The following MILR1 variants were observed in gnomAD, a reference collection of about 807,000 sequenced individuals.
MILR1 encodes mast cell immunoglobulin like receptor 1, also known as allergin-1.
A neutral mutation model predicts 18.5 loss-of-function variants in MILR1; 31 were observed. The ratio of observed to expected loss-of-function variants is 1.68; its 90% CI spans 1.26 to 2.26. MILR1 has a LOEUF of 2.26. Ranked by LOEUF, MILR1 falls within the 30% of genes most tolerant of loss-of-function variation. MILR1 has a pLI of 0.00. For synonymous variants in MILR1, 85 were observed against 56.2 expected, an observed-to-expected ratio of 1.51 and a Z score of -2.30; for missense variants, 257 against 157.4, an observed-to-expected ratio of 1.63 and a Z score of -3.38.
chr17:64,461,433 G>C (rs979225749), intron 5 of MILR1, among the ~76,000 whole-genome samples: 2 of 151,894 alleles, frequency 1.3e-5, no homozygotes, highest in African/African-American at 4.8e-5. Context: ...ATTTTTAGTA[G>C]AGACAGGGTT....
chr17:64,494,912 G>A, the MILR1 span, among the ~76,000 whole-genome samples: 4 of 152,052 alleles, frequency 2.6e-5, no homozygotes, highest in Admixed American at 1.3e-4. Context: ...AGTGGCTCAC[G>A]CCTGTAATCC....
intron 3 of MILR1, among the ~76,000 whole-genome samples, chr17:64,456,540 G>A (rs2037304589): frequency 6.6e-6 from 1 of 152,144 alleles, no homozygotes; most frequent in Non-Finnish European, 1.5e-5. Flanking sequence ...GCTGGGCATG[G>A]TGGCTCACAC....
the MILR1 span, chr17:64,492,576 A>C: frequency 2.4e-5 from 18 of 745,538 alleles, no homozygotes; most frequent in Middle Eastern, 3.5e-4. Flanking sequence ...CATACATCAA[A>C]TATAATTTCT....
the MILR1 span, chr17:64,490,519 G>A: frequency 4.7e-6 from 2 of 429,946 alleles, no homozygotes; most frequent in East Asian, 5.1e-5. Context: ...GGAGTGTAAA[G>A]GCATATGACA....
chr17:64,468,252 C>T (rs2037624204), intron 9 of MILR1, 58 bp from the exon 10 acceptor site: 1 of 455,594 alleles, frequency 2.2e-6, no homozygotes, highest in African/African-American at 2.0e-5. Context: ...TCAACTTCTG[C>T]CTCTGTCTTC....
the MILR1 span, chr17:64,477,669 G>A: frequency 5.6e-6 from 5 of 891,262 alleles, no homozygotes; most frequent in Non-Finnish European, 7.9e-6. Flanking sequence ...ACATATTCCT[G>A]ATACAATGAA....
the MILR1 span, among the ~76,000 whole-genome samples, chr17:64,493,548 G>A: frequency 5.8e-4 from 89 of 152,152 alleles, no homozygotes; most frequent in Non-Finnish European, 5.9e-5. Flanking sequence ...GCAGTGGCAG[G>A]GTCTCGGCTC....
chr17:64,484,481 T>C, the MILR1 span, among the ~76,000 whole-genome samples: 1 of 152,080 alleles, frequency 6.6e-6, no homozygotes, highest in Non-Finnish European at 1.5e-5. Flanking sequence ...CTGAGTGAGA[T>C]GAGAAGCTTT....
chr17:64,464,475 A>G (rs1177802920), intron 5 of MILR1, among the ~76,000 whole-genome samples: 3 of 151,914 alleles, frequency 2.0e-5, no homozygotes, highest in African/African-American at 7.3e-5. Flanking sequence ...CCTGGCTTCA[A>G]GTGATCCTCC....
chr17:64,492,586 T>C, the MILR1 span: 4 of 774,628 alleles, frequency 5.2e-6, no homozygotes, highest in South Asian at 5.9e-5. Context: ...ATATAATTTC[T>C]TGTATGTCAG....
chr17:64,497,108 C>G, the MILR1 span: 4 of 854,544 alleles, frequency 4.7e-6, no homozygotes, highest in African/African-American at 6.7e-5. Flanking sequence ...GGCCCCACCC[C>G]GGAAGCGCAT....
intron 8 of MILR1, among the ~76,000 whole-genome samples, chr17:64,467,225 C>A (rs1355086563): frequency 6.6e-6 from 1 of 151,872 alleles, no homozygotes; most frequent in African/African-American, 2.4e-5. Context: ...CCCACCTTAG[C>A]CTCCTGAGTA....
chr17:64,458,062 CT>C (rs2037338951), intron 4 of MILR1, among the ~76,000 whole-genome samples: 1 of 152,150 alleles, frequency 6.6e-6, no homozygotes, highest in African/African-American at 2.4e-5. Flanking sequence ...ACTGCCAGGT[CT>C]TTTAGTTTTC....
chr17:64,496,853 G>T, the MILR1 span: 5 of 1,613,596 alleles, frequency 3.1e-6, no homozygotes, highest in South Asian at 5.5e-5. Flanking sequence ...CCCTCCTTTG[G>T]GGCTACTCCT....
At chr17:64,489,575 A>G in the MILR1 span, among the ~76,000 whole-genome samples, 5 of 152,006 alleles carry the variant, frequency 3.3e-5, no homozygotes, top group Non-Finnish European at 7.4e-5. Flanking sequence ...AGCCCGGGCA[A>G]CAAAGCTAGA....
chr17:64,496,321 G>T, the MILR1 span: 1 of 814,634 alleles, frequency 1.2e-6, no homozygotes, highest in South Asian at 1.7e-5. Flanking sequence ...GGGAATACAG[G>T]GCCAGTTGCA....
intron 8 of MILR1, 87 bp from the exon 9 acceptor site, chr17:64,467,478 G>C: frequency 1.3e-6 from 1 of 769,480 alleles, no homozygotes; most frequent in Non-Finnish European, 2.2e-6. Flanking sequence ...GTTCTGTCAG[G>C]CCACCCAGCT....
At chr17:64,472,296 G>A (rs567357473), downstream of MILR1, among the ~76,000 whole-genome samples, 7 of 151,326 alleles carry the variant, frequency 4.6e-5, no homozygotes, top group South Asian at 1.0e-3. Context: ...GTGAAACCCC[G>A]TCTCTACTAA....
chr17:64,470,884 T>A (rs1215276058), downstream of MILR1, among the ~76,000 whole-genome samples: 1 of 152,212 alleles, frequency 6.6e-6, no homozygotes, highest in Non-Finnish European at 1.5e-5. Flanking sequence ...ATAATTAGCA[T>A]TGCCCCAAAC....
Sources: allele counts gnomAD v4.1 joint callset (sites outside exome capture counted in the v4.1 genomes callset), GRCh38; gene constraint gnomAD v4.1.1; transcripts MANE v1.5; gene names NCBI Gene and HGNC (gene_info 2026-07-23, HGNC 2026-07-21).